Variants in RFX2 observed in about 807,000 individuals in gnomAD.
The protein encoded by RFX2 is DNA-binding protein RFX2.
RFX2 carries 20 observed loss-of-function variants against 87.8 expected under a neutral mutation model. The ratio of observed to expected loss-of-function variants is 0.23; its 90% CI spans 0.16 to 0.33. RFX2 has a LOEUF of 0.33. RFX2 is among the 10% of genes least tolerant of loss of function. The probability of loss-of-function intolerance (pLI) is 1.00; values close to 1 mark genes in which losing one functional copy is unlikely to be tolerated. For missense variants in RFX2, 767 were observed against 1,012.3 expected (o/e 0.76, Z 3.29); for synonymous variants, 397 against 431.3 (o/e 0.92, Z 0.98).
At chr19:6,088,622 A>G (rs192952422) in intron 1 of RFX2, among the ~76,000 whole-genome samples, 164 of 152,310 alleles carry the variant, frequency 1.1e-3, no homozygotes, top group African/African-American at 3.7e-3. Context: ...ACTGGAGAAG[A>G]TAACAAAGTA....
At chr19:6,037,104 GA>G (rs2087035736) in intron 5 of RFX2, among the ~76,000 whole-genome samples, 2 of 151,950 alleles carry the variant, frequency 1.3e-5, no homozygotes, top group South Asian at 4.2e-4. Context: ...TTAACATGGT[GA>G]AACTCCGTCT....
intron 5 of RFX2, among the ~76,000 whole-genome samples, chr19:6,028,487 G>A (rs2086917160): frequency 6.6e-6 from 1 of 152,182 alleles, no homozygotes. Context: ...AAGGTTAGCT[G>A]CAATGTGGAA....
intron 1 of RFX2, among the ~76,000 whole-genome samples, chr19:6,108,609 T>C (rs1388983044): frequency 6.6e-6 from 1 of 152,144 alleles, no homozygotes; most frequent in Non-Finnish European, 1.5e-5. Context: ...GGAAAAGAAC[T>C]CATCGAAGCC....
chr19:5,997,359 C>A lies in RFX2; in HGVS notation c.1860-146G>T. On this transcript the variant is annotated intron_variant, in intron 15 of 17. Transcript: ENST00000303657. This position sits in a 1 kb window ranked among gnomAD's most constrained non-coding sequence, Gnocchi z 4.2. ...AGTGATCCTAAGACGTGCAGGCCTA[C>A]GCGGGGGCTGACGGGCTGCCGAGAC... is the stretch of plus-strand genomic sequence containing the variant. 1.1e-6 allele frequency: 1 copy of A among 938,056 alleles called. No homozygotes were observed. The highest frequency in any genetic ancestry group is 1.5e-6 in the Non-Finnish European group (1 of 656,770). 58.1% of individuals were successfully genotyped at this position (938,056 alleles called of 1,614,324 possible).
At position 5,997,671 on chromosome 19, in the gene RFX2, C is replaced by G. The variant is rs1599834089; in HGVS notation, c.1860-458G>C. ...ATCCTTGCCACCTCCCGCCATTCCTCAGCCTGTGGTTTCAGGCACCTAAAA... is the reference window on the plus strand; with the variant it reads ...ATCCTTGCCACCTCCCGCCATTCCTGAGCCTGTGGTTTCAGGCACCTAAAA... On this transcript the variant is annotated intron_variant, in intron 15 of 17. Transcript: ENST00000303657. The surrounding 1 kb of genome is among the most constrained non-coding windows in gnomAD (Gnocchi z 4.2). 6.6e-6 allele frequency among the ~76,000 whole-genome samples: 1 copy of G among 152,296 alleles called. No homozygotes were observed. The highest frequency in any genetic ancestry group is 6.5e-5 in the Admixed American group (1 of 15,308).
chr19:6,002,149 C>T lies in RFX2; in HGVS notation c.1651-126G>A, dbSNP rs2086498221. The T allele has an allele frequency of 7.8e-6, 6 of 771,280 alleles. No homozygotes were observed. The highest frequency in any genetic ancestry group is 1.2e-5 in the Non-Finnish European group (6 of 503,850). The allele number at this position is 771,280 out of a possible 1,614,324, so 47.8% of individuals were successfully genotyped here. A position where few individuals can be genotyped will look rare whatever the true frequency, so the allele number is the denominator to read the frequency against. Reference sequence around the variant, plus strand: ...TGAGCCTTCTCGCCCTTGACCTTGACAGCTGCAAGCCAAGTCCTGTGTCTC... The same window carrying T: ...TGAGCCTTCTCGCCCTTGACCTTGATAGCTGCAAGCCAAGTCCTGTGTCTC... On this transcript the variant is annotated intron_variant, in intron 14 of 17. Transcript: ENST00000303657. The surrounding 1 kb of genome is among the most constrained non-coding windows in gnomAD (Gnocchi z 6.7).
intron 5 of RFX2, among the ~76,000 whole-genome samples, chr19:6,038,836 G>A (rs904230243): frequency 8.5e-5 from 13 of 152,164 alleles, no homozygotes; most frequent in Non-Finnish European, 1.6e-4. Context: ...TGCTGCTGAC[G>A]GAGAGGAGCA....
chr19:6,060,527 T>C (rs2087412573), intron 1 of RFX2, among the ~76,000 whole-genome samples: 1 of 152,212 alleles, frequency 6.6e-6, no homozygotes. Context: ...CCCTGCTCTT[T>C]ATCCTTTATC....
In RFX2 at chr19:6,004,148, C is replaced by G. The variant is rs1599841580; in HGVS notation, c.1500+53G>C. On this transcript the variant is annotated intron_variant, in intron 13 of 17. Coordinates refer to ENST00000303657, the MANE Select transcript of RFX2 (RefSeq NM_000635.4). The surrounding 1 kb of genome is among the most constrained non-coding windows in gnomAD (Gnocchi z 4.8). ...ACAGTGGTCCTCATGCTGTCCTGGA[C>G]TGGAGCCCCTCCCAGCCATCGTTGG... 1 of 1,356,070 alleles carries G rather than the reference C, an allele frequency of 7.4e-7. No homozygotes were observed. The highest frequency in any genetic ancestry group is 1.7e-5 in the Admixed American group (1 of 59,614). The allele number at this position is 1,356,070 out of a possible 1,614,324, so 84.0% of individuals were successfully genotyped here.
In RFX2 at chr19:6,017,877, C is replaced by T. The variant is rs2086751287; in HGVS notation, c.598-1606G>A. On this transcript the variant is annotated intron_variant, in intron 6 of 17. Transcript: ENST00000303657. The surrounding 1 kb of genome is among the most constrained non-coding windows in gnomAD (Gnocchi z 4.1). Reference sequence around the variant, plus strand: ...ACTCACCACAGCGTACCCATGGCACCCCCCCGCCCCACTGTCACGTTTGCC... The same window carrying T: ...ACTCACCACAGCGTACCCATGGCACTCCCCCGCCCCACTGTCACGTTTGCC... 1.4e-5 allele frequency among the ~76,000 whole-genome samples: 2 copies of T among 144,618 alleles called. No individual in the cohort carries two copies. The highest frequency in any genetic ancestry group is 6.9e-5 in the Admixed American group (1 of 14,542). 94.9% of individuals were successfully genotyped at this position (144,618 alleles called of 152,430 possible). A position where few individuals can be genotyped will look rare whatever the true frequency, so the allele number is the denominator to read the frequency against.
chr19:6,086,025 G>A (rs1414410194), intron 1 of RFX2, among the ~76,000 whole-genome samples: 1 of 147,840 alleles, frequency 6.8e-6, no homozygotes, highest in Admixed American at 6.8e-5. Context: ...CCAGGAGGCC[G>A]AGGCTGCAGT....
rs1012072929 is a variant in RFX2, at chr19:5,993,577, G to C, written c.*1258C>G. ...TAACAATTAGCGCACAAAACTATTG[G>C]TATAAACATTTTTCCAAAAAGAGAA... On this transcript the variant is annotated 3_prime_UTR_variant, in exon 18 of 18. Transcript: ENST00000303657. The C allele has an allele frequency of 7.2e-5, 11 of 152,190 alleles. No homozygotes were observed. Among genetic ancestry groups the C allele is most frequent in the Admixed American group, 6.5e-4 (10 of 15,272 alleles). 9.4% of individuals were successfully genotyped at this position (152,190 alleles called of 1,614,324 possible).
intron 1 of RFX2, among the ~76,000 whole-genome samples, chr19:6,062,717 G>A (rs79554965): frequency 0.023 from 3,478 of 152,290 alleles, 141 homozygotes; most frequent in African/African-American, 0.08. Flanking sequence ...GACTGTATGA[G>A]CTCGAACTGG....
At chr19:6,053,497 A>G (rs2087291416) in intron 1 of RFX2, among the ~76,000 whole-genome samples, 1 of 152,244 alleles carries the variant, frequency 6.6e-6, no homozygotes, top group South Asian at 2.1e-4. Flanking sequence ...ACTTTGGGTG[A>G]AAATGCTGTG....
chr19:6,089,054 A>C (rs1043845194), intron 1 of RFX2, among the ~76,000 whole-genome samples: 1 of 152,242 alleles, frequency 6.6e-6, no homozygotes, highest in African/African-American at 2.4e-5. Flanking sequence ...AAATGTAGGA[A>C]AAAAGCATTC....
At chr19:6,019,122 C>T (rs2086771419) in intron 6 of RFX2, among the ~76,000 whole-genome samples, 1 of 152,004 alleles carries the variant, frequency 6.6e-6, no homozygotes, top group African/African-American at 2.4e-5. Context: ...CAATTTCATC[C>T]GTCCAGCATT....
rs2087482339 is a variant in RFX2 at position 6,064,461 on chromosome 19, C to G, written c.-8-16957G>C. Among the ~76,000 whole-genome samples the G allele has an allele frequency of 6.6e-6, 1 of 152,258 alleles. No individual in the cohort carries two copies. The highest frequency in any genetic ancestry group is 2.4e-5 in the African/African-American group (1 of 41,456). ...GCGGAGGCCTCACCTCACTCACCCTCTCCTGTCCCAGCTTCAAAATCTTTC... is the reference window on the plus strand; with the variant it reads ...GCGGAGGCCTCACCTCACTCACCCTGTCCTGTCCCAGCTTCAAAATCTTTC... On this transcript the variant is annotated intron_variant, in intron 1 of 17. Transcript: ENST00000303657. This position sits in a 1 kb window ranked among gnomAD's most constrained non-coding sequence, Gnocchi z 4.8.
In RFX2 at chr19:6,063,829, C is replaced by A. The variant is rs987867897; in HGVS notation, c.-8-16325G>T. 1.3e-5 allele frequency among the ~76,000 whole-genome samples: 2 copies of A among 152,214 alleles called. No homozygotes were observed. The highest frequency in any genetic ancestry group is 6.5e-5 in the Admixed American group (1 of 15,290). On this transcript the variant is annotated intron_variant, in intron 1 of 17. Coordinates refer to ENST00000303657, the MANE Select transcript of RFX2 (RefSeq NM_000635.4). This position sits in a 1 kb window ranked among gnomAD's most constrained non-coding sequence, Gnocchi z 4.0. ...CACTCCATGCCAGGAAACCCCCCGA[C>A]CCCTGTCTGACAGCCACAAATGTCT... is the stretch of plus-strand genomic sequence containing the variant.
At chr19:6,048,184 A>G (rs138858655) in intron 1 of RFX2, among the ~76,000 whole-genome samples, 116 of 152,370 alleles carry the variant, frequency 7.6e-4, no homozygotes, top group African/African-American at 2.7e-3. Context: ...GCAAAGAAAC[A>G]GTACATTTTA....
Sources: allele counts gnomAD v4.1 joint callset (sites outside exome capture counted in the v4.1 genomes callset), GRCh38; gene constraint gnomAD v4.1.1; non-coding constraint Gnocchi (gnomAD v3.1); transcripts MANE v1.5; gene names NCBI Gene and HGNC (gene_info 2026-07-23, HGNC 2026-07-21).